The following HDAC4 variants were observed in gnomAD, a reference collection of about 807,000 sequenced individuals.
HDAC4 encodes the protein histone deacetylase 4.
In HDAC4, 16 loss-of-function variants were observed where a neutral mutation model predicts 135.1. The ratio of observed to expected loss-of-function variants is 0.12; its 90% CI spans 0.08 to 0.18. The LOEUF (loss-of-function observed/expected upper bound fraction) is 0.18, where lower values mean the gene tolerates loss of function less well. HDAC4 is among the 10% of genes least tolerant of loss of function. HDAC4 has a pLI of 1.00. For missense variants in HDAC4, 1,143 were observed against 1,511.8 expected (o/e 0.76, Z 4.05); for synonymous variants, 685 against 653.4 (o/e 1.05, Z -0.74).
At chr2:239,180,949 C>T (rs1433032139) in intron 4 of HDAC4, among the ~76,000 whole-genome samples, 1 of 152,266 alleles carries the variant, frequency 6.6e-6, no homozygotes, top group Non-Finnish European at 1.5e-5. Flanking sequence ...TCCCCGTCCA[C>T]TGTCCCATGG....
At chr2:239,213,311 T>C (rs937203896) in intron 3 of HDAC4, among the ~76,000 whole-genome samples, 1 of 152,140 alleles carries the variant, frequency 6.6e-6, no homozygotes, top group African/African-American at 2.4e-5. Context: ...TGGCGGATGC[T>C]GAAAAAGAAC....
At chr2:239,121,519 T>C (rs2152832860) in intron 12 of HDAC4, among the ~76,000 whole-genome samples, 1 of 152,356 alleles carries the variant, frequency 6.6e-6, no homozygotes, top group South Asian at 2.1e-4. Flanking sequence ...CCCGGCTGGC[T>C]GCGGATGGCG....
rs547608317 is a variant in HDAC4 at position 239,082,035 on chromosome 2, C to T, written c.2652+67G>A. 97 of 1,567,982 alleles carry T rather than the reference C, an allele frequency of 6.2e-5. 2 individuals carry two copies. In the South Asian group the frequency reaches 1.1e-3, roughly 17 times the overall value. ...GCCGGGCAGCTGTGGACCGTCTGCCCCGTGCCCCCACAGCGGCTCCCCGCA... is the reference window on the plus strand; with the variant it reads ...GCCGGGCAGCTGTGGACCGTCTGCCTCGTGCCCCCACAGCGGCTCCCCGCA... On this transcript the variant is annotated intron_variant, in intron 21 of 26. Coordinates refer to ENST00000543185, the MANE Select transcript of HDAC4 (RefSeq NM_001378414.1).
chr2:239,344,303 T>G (rs2125881370), intron 2 of HDAC4, among the ~76,000 whole-genome samples: 2 of 152,310 alleles, frequency 1.3e-5, no homozygotes, highest in Middle Eastern at 3.4e-3. Flanking sequence ...ATTCTTAAAT[T>G]TCAATATCAT....
At chr2:239,142,555 C>T (rs2041456776) in intron 8 of HDAC4, among the ~76,000 whole-genome samples, 1 of 152,232 alleles carries the variant, frequency 6.6e-6, no homozygotes, top group South Asian at 2.1e-4. Flanking sequence ...GATCTCCCAA[C>T]TCCTAGGTGC....
chr2:239,252,593 T>C (rs979351946), intron 2 of HDAC4, among the ~76,000 whole-genome samples: 2 of 152,208 alleles, frequency 1.3e-5, no homozygotes, highest in South Asian at 2.1e-4. Flanking sequence ...CCAAGAGCTC[T>C]CATGTCCCAC....
intron 2 of HDAC4, among the ~76,000 whole-genome samples, chr2:239,320,391 A>G (rs2053268731): frequency 9.2e-6 from 1 of 108,128 alleles, no homozygotes; most frequent in Non-Finnish European, 1.8e-5. Context: ...TCAAAAAAAA[A>G]AAAAAAAAAA....
chr2:239,301,323 C>T (rs1301948040), intron 2 of HDAC4, among the ~76,000 whole-genome samples: 1 of 152,230 alleles, frequency 6.6e-6, no homozygotes, highest in East Asian at 1.9e-4. Context: ...AACATTCCTC[C>T]TGCCTGCTGA....
chr2:239,229,470 C>T (rs1414868647), intron 3 of HDAC4, among the ~76,000 whole-genome samples: 5 of 152,226 alleles, frequency 3.3e-5, no homozygotes, highest in South Asian at 2.1e-4. Context: ...CAAATGTTGA[C>T]GAAAAAGGCC....
intron 1 of HDAC4, among the ~76,000 whole-genome samples, chr2:239,372,414 C>T (rs1288277177): frequency 2.0e-5 from 3 of 152,256 alleles, no homozygotes; most frequent in African/African-American, 7.2e-5. Context: ...CACAAAGACA[C>T]ACACAGGTGA....
At chr2:239,067,746 C>G (rs2033704565) in intron 23 of HDAC4, among the ~76,000 whole-genome samples, 1 of 152,198 alleles carries the variant, frequency 6.6e-6, no homozygotes, top group Non-Finnish European at 1.5e-5. Context: ...CACACCCTCC[C>G]CACGCAAGGA....
At chr2:239,383,329 C>G (rs922371463) in intron 1 of HDAC4, among the ~76,000 whole-genome samples, 1 of 152,160 alleles carries the variant, frequency 6.6e-6, no homozygotes, top group Non-Finnish European at 1.5e-5. Flanking sequence ...AGCAGATCCT[C>G]GCTTGGAGGC....
At chr2:239,127,468 G>A (rs2040273033) in intron 11 of HDAC4, among the ~76,000 whole-genome samples, 3 of 152,174 alleles carry the variant, frequency 2.0e-5, no homozygotes, top group Admixed American at 1.3e-4. Flanking sequence ...TATATAAATT[G>A]TTGGTTTAGG....
intron 1 of HDAC4, among the ~76,000 whole-genome samples, chr2:239,395,717 A>G (rs549622307): frequency 6.3e-4 from 96 of 152,212 alleles, no homozygotes; most frequent in African/African-American, 2.2e-3. Context: ...CTTACACTGC[A>G]CACTTCTGCC....
At chr2:239,342,590 G>C (rs896952260) in intron 2 of HDAC4, among the ~76,000 whole-genome samples, 5 of 152,212 alleles carry the variant, frequency 3.3e-5, no homozygotes, top group African/African-American at 1.2e-4. Context: ...GGAAATGACA[G>C]TCATCCTGAA....
intron 2 of HDAC4, among the ~76,000 whole-genome samples, chr2:239,343,322 T>A (rs1342607822): frequency 2.0e-5 from 3 of 152,172 alleles, no homozygotes; most frequent in Middle Eastern, 3.4e-3. Flanking sequence ...AATCTCAGAG[T>A]TCGCTTGGTT....
At chr2:239,130,920 C>A (rs1020264212) in intron 11 of HDAC4, among the ~76,000 whole-genome samples, 4 of 152,192 alleles carry the variant, frequency 2.6e-5, no homozygotes, top group African/African-American at 9.7e-5. Context: ...CACAGTTTTG[C>A]GTCCAACTAA....
At chr2:239,160,504 C>G (rs1194658718) in intron 6 of HDAC4, among the ~76,000 whole-genome samples, 2 of 151,766 alleles carry the variant, frequency 1.3e-5, no homozygotes, top group African/African-American at 4.8e-5. Context: ...CTGCAGCCTC[C>G]CAGCCCTGGT....
intron 22 of HDAC4, among the ~76,000 whole-genome samples, chr2:239,070,572 C>T (rs1002652408): frequency 1.1e-4 from 17 of 152,240 alleles, no homozygotes; most frequent in African/African-American, 4.1e-4. Context: ...ATCACCACCA[C>T]TGACTTTCAA....
Sources: gnomAD v4.1 joint callset for allele counts (sites outside exome capture counted in the v4.1 genomes callset) on GRCh38, gnomAD v4.1.1 for gene constraint, MANE v1.5 for transcripts, NCBI Gene and HGNC (gene_info 2026-07-23, HGNC 2026-07-21) for gene names.